RNF213: variants seen among roughly 807,000 people sequenced by gnomAD.
RNF213 encodes ring finger protein 213.
Under a neutral mutation model 514.4 loss-of-function variants are expected in RNF213, and 341 were observed. That is an observed-to-expected ratio of 0.66 (90% CI 0.61 to 0.73). RNF213 has a LOEUF of 0.73. RNF213 is among the 30% of genes least tolerant of loss of function. The probability of loss-of-function intolerance (pLI) is 0.00; values close to 1 mark genes in which losing one functional copy is unlikely to be tolerated. For missense variants in RNF213, 5,767 were observed against 6,615.6 expected (o/e 0.87, Z 4.45); for synonymous variants, 2,655 against 2,658.2 (o/e 1.00, Z 0.04).
chr17:80,322,354 G>C (rs1057269868), intron 17 of RNF213, among the ~76,000 whole-genome samples: 1 of 151,808 alleles, frequency 6.6e-6, no homozygotes, highest in African/African-American at 2.4e-5. Context: ...TGTGGGCCGG[G>C]CATGGTGGCT....
At position 80,263,885 on chromosome 17, in the gene RNF213, G is replaced by T; in HGVS notation, c.97+107G>T. The T allele has an allele frequency of 1.1e-6, 1 of 869,782 alleles. No homozygotes were observed. Among genetic ancestry groups the T allele is most frequent in the Non-Finnish European group, 1.9e-6 (1 of 526,850 alleles). The allele number at this position is 869,782 out of a possible 1,614,324, so 53.9% of individuals were successfully genotyped here. On this transcript the variant is annotated intron_variant, in intron 2 of 67. Transcript: ENST00000582970. The surrounding 1 kb of genome is among the most constrained non-coding windows in gnomAD (Gnocchi z 4.9). The stretch of plus-strand genomic sequence containing the variant: ...CCTGGGCAGCAGGCAGCTCAGGTGG[G>T]GCCGAGGTCCTCTGTGGCTACTGAG...
At chr17:80,320,639 C>T (rs1207521408) in intron 17 of RNF213, 1 of 152,190 alleles carries the variant, frequency 6.6e-6, no homozygotes, top group Non-Finnish European at 1.5e-5. Flanking sequence ...ATCCACCCAC[C>T]TTGGCCTCCC....
intron 25 of RNF213, among the ~76,000 whole-genome samples, chr17:80,338,717 G>A (rs1208484726): frequency 6.6e-6 from 1 of 151,830 alleles, no homozygotes; most frequent in African/African-American, 2.4e-5. Flanking sequence ...GGGAGGCCGA[G>A]GCGGGCCTAT....
rs528903045 is a variant in RNF213 at position 80,332,488 on chromosome 17, G to A, written c.4000G>A (p.Asp1334Asn). Residue 1334 changes from aspartate (D) to asparagine (N), a missense_variant, in exon 21 of 68, where the codon GAT becomes AAT. Coordinates refer to ENST00000582970, the MANE Select transcript of RNF213 (RefSeq NM_001256071.3). ...MCTVDHQDQR[D>N]WIKDRVEQIK... is the part of the protein sequence containing the mutation. ...CACCGTGGACCACCAGGACCAAAGA[G>A]ATTGGATCAAGGACCGAGTCGAACA... 4.6e-5 allele frequency: 71 copies of A among 1,537,056 alleles called. No individual in the cohort carries two copies. Among genetic ancestry groups the A allele is most frequent in the Middle Eastern group, 1.7e-4 (1 of 6,012 alleles).
At chr17:80,294,560 G>A (rs1310664539) in intron 8 of RNF213, among the ~76,000 whole-genome samples, 160 bp from the exon 9 acceptor site, 1 of 152,132 alleles carries the variant, frequency 6.6e-6, no homozygotes, top group African/African-American at 2.4e-5. Flanking sequence ...GAGGAGTCTG[G>A]CTGTCGTCAG....
intron 48 of RNF213, 24 bp from the exon 49 acceptor site, chr17:80,372,951 C>G: frequency 6.2e-7 from 1 of 1,609,106 alleles, no homozygotes; most frequent in Non-Finnish European, 8.5e-7. Context: ...CAGCCACTCA[C>G]CCGCTTTCTC....
chr17:80,383,780 T>TCCTGCCCCA lies in RNF213; in HGVS notation c.14183_14191dup (p.His4728_Pro4730dup). ...ATAATATATGGTGACCCAGTGACCTTCCTGCCCCACCTGCCCCGGAAAAGT... is the reference window on the plus strand; with the variant it reads ...ATAATATATGGTGACCCAGTGACCTTCCTGCCCCACCTGCCCCACCTGCCCCGGAAAAGT... On this transcript the variant is annotated inframe_insertion, in exon 59 of 68. Coordinates refer to ENST00000582970, the MANE Select transcript of RNF213 (RefSeq NM_001256071.3). The TCCTGCCCCA allele has an allele frequency of 6.2e-7, 1 of 1,614,166 alleles. No homozygotes were observed. Among genetic ancestry groups the TCCTGCCCCA allele is most frequent in the East Asian group, 2.2e-5 (1 of 44,886 alleles).
Position 80,306,337 on chromosome 17 carries a change from C to T in RNF213, c.2296C>T (p.Pro766Ser). Residue 766 changes from proline to serine, a missense_variant, in exon 12 of 68, where the codon CCT becomes TCT. Coordinates refer to ENST00000582970, the MANE Select transcript of RNF213 (RefSeq NM_001256071.3). ...CTTCCGGTCCTGGTTTAGTCTGCTA[C>T]CTCTGAGTCACCTGGTTATGTATAT... ...PLFRSWFSLL[P>S]LSHLVMYMEN... 1 of 1,614,146 alleles carries T rather than the reference C, an allele frequency of 6.2e-7. No homozygotes were observed. Among genetic ancestry groups the T allele is most frequent in the East Asian group, 2.2e-5 (1 of 44,882 alleles).
intron 11 of RNF213, among the ~76,000 whole-genome samples, chr17:80,302,394 A>G (rs531236397): frequency 6.6e-6 from 1 of 152,218 alleles, no homozygotes; most frequent in Non-Finnish European, 1.5e-5. Flanking sequence ...TACAGATTAC[A>G]GACTGTATAC....
In RNF213 at chr17:80,398,097, C is replaced by T. The variant is rs1201974944; in HGVS notation, c.*4599C>T. The stretch of plus-strand genomic sequence containing the variant: ...CCACTCCATTTGAGGGGAAGCGTGG[C>T]CTGATCACCCACGGCGTGCCTGTAC... On this transcript the variant is annotated 3_prime_UTR_variant, in exon 68 of 68. Coordinates refer to ENST00000582970, the MANE Select transcript of RNF213 (RefSeq NM_001256071.3). The T allele has an allele frequency of 2.6e-5, 4 of 151,548 alleles. No homozygotes were observed. Among genetic ancestry groups the T allele is most frequent in the Admixed American group, 2.6e-4 (4 of 15,184 alleles). The allele number at this position is 151,548 out of a possible 1,614,324, so 9.4% of individuals were successfully genotyped here. A position where few individuals can be genotyped will look rare whatever the true frequency, so the allele number is the denominator to read the frequency against.
intron 60 of RNF213, 40 bp from the exon 61 acceptor site, chr17:80,385,498 T>C (rs766611133): frequency 8.8e-6 from 14 of 1,582,744 alleles, no homozygotes; most frequent in South Asian, 7.8e-5. Context: ...TTTCAGGGGG[T>C]TGCTATCATA....
intron 3 of RNF213, among the ~76,000 whole-genome samples, chr17:80,281,252 CAT>C: frequency 8.8e-6 from 1 of 113,376 alleles, no homozygotes; most frequent in Admixed American, 9.2e-5. Context: ...CCTCAACACA[CAT>C]ACCCCACTCA....
intron 63 of RNF213, among the ~76,000 whole-genome samples, chr17:80,387,532 C>A (rs1194989052): frequency 6.6e-6 from 1 of 152,244 alleles, no homozygotes; most frequent in Non-Finnish European, 1.5e-5. Flanking sequence ...CCTCACCTGA[C>A]TGCCAAAGCC....
chr17:80,340,409 C>T, intron 26 of RNF213, 53 bp downstream of exon 26: 1 of 1,499,084 alleles, frequency 6.7e-7, no homozygotes, highest in Non-Finnish European at 9.1e-7. Flanking sequence ...CTGCCCGGGG[C>T]CCTTCCCCCC....
chr17:80,342,746 G>A (rs1392143980), intron 26 of RNF213, among the ~76,000 whole-genome samples: 3 of 140,244 alleles, frequency 2.1e-5, no homozygotes, highest in African/African-American at 5.4e-5. Context: ...TATATATATT[G>A]TATGTATATA....
chr17:80,282,469 G>T (rs2044335943), intron 3 of RNF213, among the ~76,000 whole-genome samples: 1 of 152,066 alleles, frequency 6.6e-6, no homozygotes, highest in African/African-American at 2.4e-5. Context: ...CACAATCTCG[G>T]CTCACTGCAA....
rs762666499 is a variant in RNF213 at position 80,355,634 on chromosome 17, C to T, written c.10862+1058C>T. The stretch of plus-strand genomic sequence containing the variant: ...CGGGGTGAGTGGGAATGGGGGCTTA[C>T]AGGGGAAGAAGCGGGGTGGACGGGA... On this transcript the variant is annotated intron_variant, in intron 36 of 67. Transcript: ENST00000582970. Among the ~76,000 whole-genome samples, 48 of 22,834 alleles carry T rather than the reference C, an allele frequency of 2.1e-3. 10 individuals are homozygous for T. The highest frequency in any genetic ancestry group is 0.029 in the Middle Eastern group (1 of 34). 15.0% of individuals were successfully genotyped at this position (22,834 alleles called of 152,430 possible). A position where few individuals can be genotyped will look rare whatever the true frequency, so the allele number is the denominator to read the frequency against.
intron 63 of RNF213, 21 bp from the exon 64 acceptor site, chr17:80,388,591 C>T (rs1431145106): frequency 2.6e-6 from 4 of 1,558,588 alleles, no homozygotes; most frequent in Non-Finnish European, 3.5e-6. Flanking sequence ...TTTTAAAAAA[C>T]TTTTTTCTTT....
In RNF213 at chr17:80,328,476, A is replaced by G; in HGVS notation, c.3516A>G (p.Gln1172=). 7 of 1,537,260 alleles carry G rather than the reference A, an allele frequency of 4.6e-6. No homozygotes were observed. The highest frequency in any genetic ancestry group is 6.1e-6 in the Non-Finnish European group (7 of 1,146,898). The change falls in exon 20 of 68, where the codon CAA becomes CAG. Residue 1172 remains glutamine (Q), a splice_region_variant and synonymous_variant. Transcript: ENST00000582970. ...KMCGNVKHLI[Q]VDFGVLAVRH... is the part of the protein sequence containing the mutation. ...GTGGGAACGTGAAACATCTGATACA[A>G]GGTGGTATTCCTGAGAAGTGAACAA...
Sources: gnomAD v4.1 joint callset for allele counts (sites outside exome capture counted in the v4.1 genomes callset) on GRCh38, gnomAD v4.1.1 for gene constraint, Gnocchi (gnomAD v3.1) non-coding constraint, MANE v1.5 for transcripts, NCBI Gene and HGNC (gene_info 2026-07-23, HGNC 2026-07-21) for gene names.